The following DLEC1 variants were observed in gnomAD, a reference collection of about 807,000 sequenced individuals.
DLEC1 encodes the protein deleted in lung and esophageal cancer protein 1.
DLEC1 carries 146 observed loss-of-function variants against 198.1 expected under a neutral mutation model. That is an observed-to-expected ratio of 0.74 (90% CI 0.64 to 0.85). The LOEUF is 0.85. Among genes scored for constraint, DLEC1 ranks in the 40% least tolerant of loss-of-function variants. The pLI is 0.00. For missense variants in DLEC1, 2,233 were observed against 2,220.0 expected (o/e 1.01, Z -0.12); for synonymous variants, 897 against 866.8 (o/e 1.03, Z -0.61).
chr3:38,089,783 C>T (rs1474637183), intron 10 of DLEC1, among the ~76,000 whole-genome samples: 3 of 152,112 alleles, frequency 2.0e-5, no homozygotes, highest in Admixed American at 6.6e-5. Context: ...AGGCTTTCCC[C>T]TTGGCATTTC....
chr3:38,103,590 G>A (rs933767958), intron 19 of DLEC1: 3 of 152,146 alleles, frequency 2.0e-5, no homozygotes, highest in African/African-American at 7.2e-5. Context: ...TTCACAATTT[G>A]TCTGTTTGGC....
chr3:38,106,755 CAAAAAAA>C (rs4019982), intron 19 of DLEC1, among the ~76,000 whole-genome samples: 13 of 38,980 alleles, frequency 3.3e-4, no homozygotes, highest in South Asian at 8.6e-4. Context: ...GACTCTATCT[CAAAAAAA>C]AAAAAAAAAA....
chr3:38,110,875 C>G (rs568804884), intron 23 of DLEC1, among the ~76,000 whole-genome samples: 7 of 152,202 alleles, frequency 4.6e-5, no homozygotes, highest in African/African-American at 1.7e-4. Context: ...TATACATACA[C>G]ATGCATAGAC....
chr3:38,122,073 CA>C lies in DLEC1; in HGVS notation c.5024del (p.Gln1675ArgfsTer20). On this transcript the variant is annotated frameshift_variant, in exon 36 of 37. Transcript: ENST00000308059. LOFTEE classifies it high-confidence loss of function. ...CRSYWTMLMG[Q>X]QEPAKAAVAF... ...GTCTTCCCTTCCCTTTGGTGCAGGC[CA>C]GCAGGAGCCAGCCAAGGCCGCTGTG... The C allele has an allele frequency of 6.2e-7, 1 of 1,613,908 alleles. No individual in the cohort carries two copies. Among genetic ancestry groups the C allele is most frequent in the Non-Finnish European group, 8.5e-7 (1 of 1,179,894 alleles).
At chr3:38,047,208 C>T (rs1700923699) in intron 2 of DLEC1, among the ~76,000 whole-genome samples, 2 of 152,220 alleles carry the variant, frequency 1.3e-5, no homozygotes, top group Admixed American at 1.3e-4. Flanking sequence ...CGCCATACCA[C>T]CAGCATTCAC....
intron 2 of DLEC1, chr3:38,052,340 TTCTC>T (rs1701162594): frequency 5.5e-6 from 2 of 361,698 alleles, no homozygotes; most frequent in Non-Finnish European, 5.6e-6. Flanking sequence ...AAGCTCTGCT[TTCTC>T]TATGAGAATG....
At chr3:38,049,769 G>A (rs1247664698) in intron 2 of DLEC1, among the ~76,000 whole-genome samples, 1 of 152,208 alleles carries the variant, frequency 6.6e-6, no homozygotes, top group Non-Finnish European at 1.5e-5. Flanking sequence ...CTTGTCACAT[G>A]GCCTTTATCC....
At chr3:38,109,789 C>A in intron 22 of DLEC1, 2 of 809,708 alleles carry the variant, frequency 2.5e-6, no homozygotes, top group Non-Finnish European at 3.8e-6. Flanking sequence ...AGGCGTGGTG[C>A]CCTGGCAGGC....
intron 35 of DLEC1, 76 bp from the exon 36 acceptor site, chr3:38,121,995 G>C (rs879006074): frequency 8.2e-6 from 13 of 1,584,342 alleles, no homozygotes; most frequent in East Asian, 2.3e-5. Context: ...GTACAGGCCC[G>C]GGGGTGGGTA....
In DLEC1 at chr3:38,122,612, G is replaced by A. The variant is rs1382148502; in HGVS notation, c.*200G>A. 5 of 1,556,472 alleles carry A rather than the reference G, an allele frequency of 3.2e-6. No homozygotes were observed. Among genetic ancestry groups the A allele is most frequent in the Non-Finnish European group, 4.3e-6 (5 of 1,155,804 alleles). On this transcript the variant is annotated 3_prime_UTR_variant, in exon 37 of 37. Transcript: ENST00000308059. Reference sequence around the variant, plus strand: ...GTCCTCAGAGCTAACATAAAGGACAGGCCACACCACAGCAGAGACCACCAC... The same window carrying A: ...GTCCTCAGAGCTAACATAAAGGACAAGCCACACCACAGCAGAGACCACCAC...
At chr3:38,095,110 A>G (rs965220120) in intron 13 of DLEC1, 39 bp downstream of exon 13, 2 of 1,606,992 alleles carry the variant, frequency 1.2e-6, no homozygotes, top group African/African-American at 2.7e-5. Flanking sequence ...ACATGGTTGG[A>G]TCATGTATTT....
At chr3:38,120,261 C>CT (rs1700380048) in intron 33 of DLEC1, among the ~76,000 whole-genome samples, 187 bp from the exon 34 acceptor site, 1 of 152,240 alleles carries the variant, frequency 6.6e-6, no homozygotes, top group Non-Finnish European at 1.5e-5. Flanking sequence ...GTCCCTGACA[C>CT]TAGCAGGGTG....
intron 6 of DLEC1, among the ~76,000 whole-genome samples, chr3:38,066,004 GT>G (rs1697008985): frequency 6.6e-6 from 1 of 152,150 alleles, no homozygotes; most frequent in Non-Finnish European, 1.5e-5. Flanking sequence ...CCACAAACTG[GT>G]CATTAGATAT....
At position 38,078,212 on chromosome 3, in the gene DLEC1, A is replaced by G. The variant is rs576187750; in HGVS notation, c.1174-5946A>G. 1.2e-4 allele frequency among the ~76,000 whole-genome samples: 18 copies of G among 152,346 alleles called. No homozygotes were observed. In the South Asian group the frequency reaches 3.5e-3, roughly 30 times the overall value. ...CTGTGGGACTTAACAAAGAGTGAGT[A>G]CAGCTGAAGGAGCCGGGGAGCAGAA... On this transcript the variant is annotated intron_variant, in intron 6 of 36. Transcript: ENST00000308059.
Position 38,084,247 on chromosome 3 carries a change from T to A in DLEC1, c.1261+2T>A, listed in dbSNP as rs1698227937. 2.5e-6 allele frequency: 4 copies of A among 1,611,928 alleles called. No individual in the cohort carries two copies. In the East Asian group the frequency reaches 6.7e-5, roughly 27 times the overall value. ...CGCCATACTTCGCTCTGGGACTGGG[T>A]AAGTTCAGTATTTGTAAGTTCATTA... is the stretch of plus-strand genomic sequence containing the variant. On this transcript the variant is annotated splice_donor_variant, in intron 7 of 36. Transcript: ENST00000308059. LOFTEE classifies it high-confidence loss of function.
At position 38,110,134 on chromosome 3, in the gene DLEC1, G is replaced by A. The variant is rs779419948; in HGVS notation, c.3296G>A (p.Arg1099His). 1.2e-5 allele frequency: 20 copies of A among 1,614,004 alleles called. No individual in the cohort carries two copies. Among genetic ancestry groups the A allele is most frequent in the Non-Finnish European group, 1.4e-5 (16 of 1,180,034 alleles). Residue 1099 changes from arginine (R) to histidine (H), a missense_variant, in exon 23 of 37, where the codon CGC becomes CAC. By Grantham distance (29) the Arg-to-His change is conservative (BLOSUM62 0). Coordinates refer to ENST00000308059, the MANE Select transcript of DLEC1 (RefSeq NM_007335.4). ...EQWPGHPKEL[R>H]LDFGSAVPLR... is the part of the protein sequence containing the mutation. ...TGGCCAGGCCACCCAAAGGAGCTCC[G>A]CCTGGACTTTGGCTCAGCGGTGCCA... is the stretch of plus-strand genomic sequence containing the variant.
chr3:38,109,101 C>A (rs1021764042), intron 21 of DLEC1, among the ~76,000 whole-genome samples: 2 of 152,236 alleles, frequency 1.3e-5, no homozygotes, highest in African/African-American at 4.8e-5. Context: ...AGGTGTGGAA[C>A]AGATCTTGCT....
At chr3:38,080,038 T>C (rs1238932848) in intron 6 of DLEC1, among the ~76,000 whole-genome samples, 4 of 152,138 alleles carry the variant, frequency 2.6e-5, no homozygotes, top group Admixed American at 1.3e-4. Context: ...CTGTAAAGCG[T>C]CTCAGGGTTG....
intron 19 of DLEC1, among the ~76,000 whole-genome samples, chr3:38,101,332 G>A (rs1349663522): frequency 6.6e-6 from 1 of 152,116 alleles, no homozygotes; most frequent in Non-Finnish European, 1.5e-5. Flanking sequence ...GTGCTCGCCT[G>A]TAGTCCCAGC....
Sources: allele counts gnomAD v4.1 joint callset (sites outside exome capture counted in the v4.1 genomes callset), GRCh38; gene constraint gnomAD v4.1.1; transcripts MANE v1.5; gene names NCBI Gene and HGNC (gene_info 2026-07-23, HGNC 2026-07-21).